The following PLEKHA7 variants were observed in gnomAD, a reference collection of about 807,000 sequenced individuals.
The protein encoded by PLEKHA7 is pleckstrin homology domain containing A7, also known as pleckstrin homology domain-containing family A member 7.
A neutral mutation model predicts 170.0 loss-of-function variants in PLEKHA7; 104 were observed. The observed-to-expected ratio is 0.61, with a 90% CI of 0.52 to 0.72. The LOEUF is 0.72. Ranked by LOEUF, PLEKHA7 falls within the 30% of genes least tolerant of loss-of-function variation. The probability of loss-of-function intolerance (pLI) is 0.00; values close to 1 mark genes in which losing one functional copy is unlikely to be tolerated. For synonymous variants in PLEKHA7, 648 were observed against 660.8 expected, an observed-to-expected ratio of 0.98 and a Z score of 0.30; for missense variants, 1,615 against 1,671.7, an observed-to-expected ratio of 0.97 and a Z score of 0.59.
chr11:16,949,648 T>C (rs1429465066), intron 3 of PLEKHA7, among the ~76,000 whole-genome samples: 1 of 152,196 alleles, frequency 6.6e-6, no homozygotes, highest in African/African-American at 2.4e-5. Context: ...CTGCCCACTA[T>C]ATGCCTATCC....
intron 3 of PLEKHA7, among the ~76,000 whole-genome samples, chr11:16,906,323 T>C (rs1220163814): frequency 4.6e-5 from 6 of 129,900 alleles, no homozygotes; most frequent in African/African-American, 1.9e-4. Flanking sequence ...CTCTCCCTCC[T>C]CTCACTCTCC....
chr11:17,006,437 G>A (rs988056088), intron 3 of PLEKHA7, among the ~76,000 whole-genome samples: 1 of 150,882 alleles, frequency 6.6e-6, no homozygotes, highest in Non-Finnish European at 1.5e-5. Context: ...GGCCAGCTTG[G>A]CTAACATGGT....
In PLEKHA7 at chr11:16,803,272, C is replaced by T. The variant is rs907227796; in HGVS notation, c.2031G>A (p.Lys677=). ...DLKMTGRDLL[K]DRSLKPVKIA... is the part of the protein sequence containing the mutation. ...TCTTCACAGGCTTCAGACTTCGATC[C>T]TTGAGAAGGTCCCGGCCTGTCATCT... The change falls in exon 14 of 27, where the codon AAG becomes AAA. Residue 677 remains lysine, a synonymous_variant. Coordinates refer to ENST00000531066, the MANE Select transcript of PLEKHA7 (RefSeq NM_001329630.2). 8.7e-6 allele frequency: 14 copies of T among 1,613,862 alleles called. No homozygotes were observed. The highest frequency in any genetic ancestry group is 3.3e-5 in the Admixed American group (2 of 60,006).
At chr11:16,807,334 C>T (rs1482728191) in intron 13 of PLEKHA7, 1 of 267,694 alleles carries the variant, frequency 3.7e-6, no homozygotes, top group Non-Finnish European at 5.7e-6. Flanking sequence ...TTTAAGGAGG[C>T]TGTGTGCTAT....
intron 3 of PLEKHA7, among the ~76,000 whole-genome samples, chr11:16,876,964 A>T (rs758981123): frequency 3.3e-5 from 5 of 152,146 alleles, no homozygotes; most frequent in Non-Finnish European, 7.4e-5. Flanking sequence ...TGGTTTTCTG[A>T]CAGTAGTGGT....
At chr11:16,970,737 G>A (rs1241798559) in intron 3 of PLEKHA7, among the ~76,000 whole-genome samples, 1 of 151,976 alleles carries the variant, frequency 6.6e-6, no homozygotes, top group Non-Finnish European at 1.5e-5. Flanking sequence ...AACAATTAAC[G>A]AGGAATTGTC....
At chr11:16,857,034 A>G (rs917517867) in intron 4 of PLEKHA7, among the ~76,000 whole-genome samples, 1 of 152,168 alleles carries the variant, frequency 6.6e-6, no homozygotes, top group African/African-American at 2.4e-5. Flanking sequence ...AACACTCATA[A>G]AGTCCTTCAC....
rs116859367 is a variant in PLEKHA7, at chr11:16,991,954, C to T, written c.221+22035G>A. On this transcript the variant is annotated intron_variant, in intron 3 of 26. Coordinates refer to ENST00000531066, the MANE Select transcript of PLEKHA7 (RefSeq NM_001329630.2). ...GTCTGATTCTGGATAAATTTCAAAG[C>T]AGGGCAGGGCTGACAGGATTTTAAA... is the stretch of plus-strand genomic sequence containing the variant. Among the ~76,000 whole-genome samples the T allele has an allele frequency of 1.6e-4, 24 of 152,296 alleles. No homozygotes were observed. In the East Asian group the frequency reaches 3.3e-3, roughly 21 times the overall value.
intron 3 of PLEKHA7, among the ~76,000 whole-genome samples, chr11:16,931,874 G>C (rs1859964063): frequency 6.6e-6 from 1 of 152,116 alleles, no homozygotes; most frequent in African/African-American, 2.4e-5. Context: ...AGGGCACGAT[G>C]AAAGGTGCCA....
chr11:16,890,482 G>A (rs921173358), intron 3 of PLEKHA7, among the ~76,000 whole-genome samples: 18 of 152,200 alleles, frequency 1.2e-4, no homozygotes, highest in Non-Finnish European at 1.5e-5. Context: ...AAGCAAGCAA[G>A]AGCAGCTATA....
intron 3 of PLEKHA7, among the ~76,000 whole-genome samples, chr11:16,954,807 C>A: frequency 6.6e-6 from 1 of 151,960 alleles, no homozygotes; most frequent in East Asian, 2.0e-4. Flanking sequence ...TCTCCTGCTT[C>A]AGCCTCCGGA....
At chr11:16,783,867 G>A in intron 24 of PLEKHA7, 34 bp from the exon 25 acceptor site, 8 of 1,395,450 alleles carry the variant, frequency 5.7e-6, no homozygotes, top group Non-Finnish European at 7.4e-6. Flanking sequence ...AGAGGGAGAG[G>A]CTCAGATGTC....
chr11:16,966,164 C>A (rs10766363), intron 3 of PLEKHA7, among the ~76,000 whole-genome samples: 49,122 of 151,980 alleles, frequency 0.32, 8,504 homozygotes, highest in Non-Finnish European at 0.4. Context: ...GCCTGGGCGA[C>A]AGAGCAAGAC....
chr11:16,857,927 C>G (rs1853608018), intron 4 of PLEKHA7, among the ~76,000 whole-genome samples: 1 of 152,216 alleles, frequency 6.6e-6, no homozygotes, highest in Non-Finnish European at 1.5e-5. Flanking sequence ...CCATGTTGGC[C>G]AGGCTTGTCT....
At chr11:16,992,169 G>A (rs1377374439) in intron 3 of PLEKHA7, among the ~76,000 whole-genome samples, 1 of 152,144 alleles carries the variant, frequency 6.6e-6, no homozygotes, top group Non-Finnish European at 1.5e-5. Context: ...GGGAGTGGGG[G>A]AAGCTCTCAG....
intron 9 of PLEKHA7, among the ~76,000 whole-genome samples, chr11:16,840,887 TAA>T (rs1214621173): frequency 6.6e-6 from 1 of 152,166 alleles, no homozygotes. Flanking sequence ...TTCCAGTCAC[TAA>T]AAAGTTCCAC....
rs756287007 is a variant in PLEKHA7, at chr11:16,817,229, G to T, written c.1437C>A (p.His479Gln). The T allele has an allele frequency of 1.2e-6, 2 of 1,613,946 alleles. No homozygotes were observed. The highest frequency in any genetic ancestry group is 1.7e-5 in the Admixed American group (1 of 60,010). Reference sequence around the variant, plus strand: ...GAGGTGGCGAGGAGCCCCCCGAGGGGTGTCGGGTGCTCTTGGGAAGAGTCT... The same window carrying T: ...GAGGTGGCGAGGAGCCCCCCGAGGGTTGTCGGGTGCTCTTGGGAAGAGTCT... ...NYQTLPKSTR[H>Q]PSGGSSPPPR... The change falls in exon 11 of 27, where the codon CAC becomes CAA. Residue 479 changes from histidine to glutamine, a missense_variant. By Grantham distance (24) the His-to-Gln change is conservative. Coordinates refer to ENST00000531066, the MANE Select transcript of PLEKHA7 (RefSeq NM_001329630.2). The surrounding 1 kb of genome is among the most constrained non-coding windows in gnomAD (Gnocchi z 4.4).
intron 3 of PLEKHA7, among the ~76,000 whole-genome samples, chr11:16,932,118 T>C (rs544888622): frequency 1.6e-4 from 24 of 152,092 alleles, no homozygotes; most frequent in Non-Finnish European, 2.9e-4. Flanking sequence ...TGGGGGACCC[T>C]GGATAATTTT....
intron 3 of PLEKHA7, among the ~76,000 whole-genome samples, chr11:16,892,045 G>A (rs1856653086): frequency 6.6e-6 from 1 of 152,152 alleles, no homozygotes; most frequent in African/African-American, 2.4e-5. Context: ...ACATCACACT[G>A]GCCAACTGCC....
Sources: allele counts gnomAD v4.1 joint callset (sites outside exome capture counted in the v4.1 genomes callset), GRCh38; gene constraint gnomAD v4.1.1; non-coding constraint Gnocchi (gnomAD v3.1); transcripts MANE v1.5; gene names NCBI Gene and HGNC (gene_info 2026-07-23, HGNC 2026-07-21).